GPR132: variants seen among roughly 807,000 people sequenced by gnomAD.
GPR132 encodes G protein-coupled receptor 132, also known as probable G protein-coupled receptor 132.
GPR132 carries 4 observed loss-of-function variants against 1.9 expected under a neutral mutation model. That is an observed-to-expected ratio of 2.13 (90% CI 1.05 to 4.87). The LOEUF (loss-of-function observed/expected upper bound fraction) is 4.87. Ranked by LOEUF, GPR132 falls within the 30% of genes most tolerant of loss-of-function variation. The pLI is 0.01. For missense variants in GPR132, 404 were observed against 512.5 expected, an observed-to-expected ratio of 0.79 and a Z score of 2.04; for synonymous variants, 233 against 234.2, an observed-to-expected ratio of 0.99 and a Z score of 0.05.
rs1404421675 is a variant in GPR132, at chr14:105,059,207, G to T, written c.-860-1927C>A. 6.6e-6 allele frequency among the ~76,000 whole-genome samples: 1 copy of T among 152,230 alleles called. No individual in the cohort carries two copies. Among genetic ancestry groups the T allele is most frequent in the African/African-American group, 2.4e-5 (1 of 41,476 alleles). On this transcript the variant is annotated intron_variant, in intron 1 of 3. Transcript: ENST00000329797. The surrounding 1 kb of genome is among the most constrained non-coding windows in gnomAD (Gnocchi z 4.2). ...GCCCCTTTGGGCCCGAGGCCTGTAT[G>T]TTGAGAGGCTGGCCAGGGGCACTCC...
chr14:105,056,239 G>T lies in GPR132; in HGVS notation c.-746-73C>A. The T allele has an allele frequency of 1.1e-6, 1 of 912,182 alleles. No homozygotes were observed. Among genetic ancestry groups the T allele is most frequent in the Non-Finnish European group, 1.3e-6 (1 of 762,990 alleles). 56.5% of individuals were successfully genotyped at this position (912,182 alleles called of 1,614,324 possible). A position where few individuals can be genotyped will look rare whatever the true frequency, so the allele number is the denominator to read the frequency against. Reference sequence around the variant, plus strand: ...TTGTCACCACTTCGCCCAAGACACAGGCCTGTGGCGGGCGGCGGGGGGCAG... The same window carrying T: ...TTGTCACCACTTCGCCCAAGACACATGCCTGTGGCGGGCGGCGGGGGGCAG... On this transcript the variant is annotated intron_variant, in intron 2 of 3. Transcript: ENST00000329797. This position sits in a 1 kb window ranked among gnomAD's most constrained non-coding sequence, Gnocchi z 6.0.
At chr14:105,052,555 G>A (rs1224756890) in intron 3 of GPR132, among the ~76,000 whole-genome samples, 2 of 151,886 alleles carry the variant, frequency 1.3e-5, no homozygotes, top group Non-Finnish European at 2.9e-5. Flanking sequence ...TCGAATTCCT[G>A]ATCTCAGGTG....
At chr14:105,057,687 A>ATTTT (rs569000530) in intron 1 of GPR132, among the ~76,000 whole-genome samples, 2 of 100,410 alleles carry the variant, frequency 2.0e-5, no homozygotes, top group South Asian at 3.0e-4. Context: ...CCCCCAGCTA[A>ATTTT]TTTTTTTTTT....
Position 105,051,093 on chromosome 14 carries a change from C to T in GPR132, c.1044G>A (p.Gln348=), listed in dbSNP as rs753443748. 2 of 1,614,206 alleles carry T rather than the reference C, an allele frequency of 1.2e-6. No homozygotes were observed. Among genetic ancestry groups the T allele is most frequent in the East Asian group, 2.2e-5 (1 of 44,886 alleles). ...AGTGGTCTGCAAGGGCCACGGGCGA[C>T]TGCAGCTCCTCGGTGTCCCTGCTGT... ...LTHSRDTEEL[Q]SPVALADHYT... The change falls in exon 4 of 4, where the codon CAG becomes CAA. Residue 348 remains glutamine (Q), a synonymous_variant. Transcript: ENST00000329797. The surrounding 1 kb of genome is among the most constrained non-coding windows in gnomAD (Gnocchi z 8.0).
In GPR132 at chr14:105,051,922, A is replaced by G. The variant is rs1220313354; in HGVS notation, c.215T>C (p.Leu72Pro). ...GTAGACGGCCAGCACGTTGCCCTGCAGTACCTGCAGCAGCGCCAGCCACGC... is the reference window on the plus strand; with the variant it reads ...GTAGACGGCCAGCACGTTGCCCTGCGGTACCTGCAGCAGCGCCAGCCACGC... Reference protein sequence around the residue: ...LTAWLALLQVLQGNVLAVYLL... With the variant: ...LTAWLALLQVPQGNVLAVYLL... Residue 72 changes from leucine to proline, a missense_variant, in exon 4 of 4, where the codon CTG (leucine) becomes CCG (proline). By Grantham distance (98) the Leu-to-Pro change is moderately conservative. Transcript: ENST00000329797. The surrounding 1 kb of genome is among the most constrained non-coding windows in gnomAD (Gnocchi z 8.0). 1 of 1,613,630 alleles carries G rather than the reference A, an allele frequency of 6.2e-7. No homozygotes were observed. The highest frequency in any genetic ancestry group is 1.3e-5 in the African/African-American group (1 of 75,066).
rs757972757 is a variant in GPR132 at position 105,051,117 on chromosome 14, G to A, written c.1020C>T (p.His340=). 1.3e-5 allele frequency: 21 copies of A among 1,614,224 alleles called. No homozygotes were observed. Among genetic ancestry groups the A allele is most frequent in the Non-Finnish European group, 1.8e-5 (21 of 1,180,040 alleles). Residue 340 remains histidine, a synonymous_variant, in exon 4 of 4, where the codon CAC becomes CAT. Transcript: ENST00000329797. The surrounding 1 kb of genome is among the most constrained non-coding windows in gnomAD (Gnocchi z 8.0). The part of the protein sequence containing the change: ...SMKTDVTRLT[H]SRDTEELQSP... Reference sequence around the variant, plus strand: ...ACTGCAGCTCCTCGGTGTCCCTGCTGTGGGTGAGCCTGGTGACGTCTGTCT... The same window carrying A: ...ACTGCAGCTCCTCGGTGTCCCTGCTATGGGTGAGCCTGGTGACGTCTGTCT...
At chr14:105,052,172 A>G (rs1342724813) in intron 3 of GPR132, 70 bp from the exon 4 acceptor site, 2 of 1,280,534 alleles carry the variant, frequency 1.6e-6, no homozygotes, top group South Asian at 1.5e-5. Flanking sequence ...TACTGTGGGA[A>G]GAAAGGATAG....
At position 105,059,818 on chromosome 14, in the gene GPR132, C is replaced by G. The variant is rs1419140702; in HGVS notation, c.-860-2538G>C. On this transcript the variant is annotated intron_variant, in intron 1 of 3. Transcript: ENST00000329797. The surrounding 1 kb of genome is among the most constrained non-coding windows in gnomAD (Gnocchi z 4.2). ...CTCCTAAAATGATTGAGACTTGTCT[C>G]GACGTTTTTTAACAACTGGAAAAAC... Among the ~76,000 whole-genome samples, 1 of 152,188 alleles carries G rather than the reference C, an allele frequency of 6.6e-6. No homozygotes were observed. The highest frequency in any genetic ancestry group is 6.5e-5 in the Admixed American group (1 of 15,268).
chr14:105,052,918 C>T (rs1013854436), intron 3 of GPR132, among the ~76,000 whole-genome samples: 1 of 149,846 alleles, frequency 6.7e-6, no homozygotes, highest in Non-Finnish European at 1.5e-5. Flanking sequence ...GAGATCGTGC[C>T]GCTGTACTCC....
At chr14:105,062,182 C>G (rs1033375909) in intron 1 of GPR132, among the ~76,000 whole-genome samples, 1 of 152,266 alleles carries the variant, frequency 6.6e-6, no homozygotes, top group Non-Finnish European at 1.5e-5. Context: ...ACACCCCCGT[C>G]CACCCATCCC....
chr14:105,064,336 T>C (rs952999608), intron 1 of GPR132, among the ~76,000 whole-genome samples: 3 of 151,894 alleles, frequency 2.0e-5, no homozygotes, highest in Non-Finnish European at 2.9e-5. Flanking sequence ...CCAAAGCCCA[T>C]TGTCAACTTT....
At chr14:105,054,421 T>C (rs1242921406) in intron 3 of GPR132, 1 of 927,508 alleles carries the variant, frequency 1.1e-6, no homozygotes, top group African/African-American at 2.0e-5. Flanking sequence ...GTCGCTCTTT[T>C]TTTTTCTTTT....
rs1886897397 is a variant in GPR132 at position 105,059,960 on chromosome 14, A to C, written c.-860-2680T>G. 6.6e-6 allele frequency among the ~76,000 whole-genome samples: 1 copy of C among 152,260 alleles called. No homozygotes were observed. Among genetic ancestry groups the C allele is most frequent in the Non-Finnish European group, 1.5e-5 (1 of 68,040 alleles). The stretch of plus-strand genomic sequence containing the variant: ...GACACTGAGTCAAGAAAGAAACAAG[A>C]AAAGCCATCTCCAAAGTGATGCCCC... On this transcript the variant is annotated intron_variant, in intron 1 of 3. Coordinates refer to ENST00000329797, the MANE Select transcript of GPR132 (RefSeq NM_013345.4). The surrounding 1 kb of genome is among the most constrained non-coding windows in gnomAD (Gnocchi z 4.2).
In GPR132 at chr14:105,056,157, A is replaced by G; in HGVS notation, c.-737T>C. ...CGGGTGAGTGTCGTGTCCCTTGCTC[A>G]CCTTCCTCCCTGGGCAGAGGGAGAG... On this transcript the variant is annotated 5_prime_UTR_variant, in exon 3 of 4. Transcript: ENST00000329797. The surrounding 1 kb of genome is among the most constrained non-coding windows in gnomAD (Gnocchi z 6.0). 1 of 985,400 alleles carries G rather than the reference A, an allele frequency of 1.0e-6. No individual in the cohort carries two copies. The highest frequency in any genetic ancestry group is 4.7e-5 in the South Asian group (1 of 21,262). 61.0% of individuals were successfully genotyped at this position (985,400 alleles called of 1,614,324 possible).
At chr14:105,052,547 GAATTCCTGATC>G (rs1200579504) in intron 3 of GPR132, among the ~76,000 whole-genome samples, 3 of 151,772 alleles carry the variant, frequency 2.0e-5, no homozygotes, top group Non-Finnish European at 4.4e-5. Flanking sequence ...GGCTGGTCTC[GAATTCCTGATC>G]TCAGGTGATC....
rs1886779659 is a variant in GPR132 at position 105,055,925 on chromosome 14, G to A, written c.-505C>T. ...GAGCTGCTGAGAATGACGGTGTCAAGAACATGAGGAGGGCTGTTCACGTCC... is the reference window on the plus strand; with the variant it reads ...GAGCTGCTGAGAATGACGGTGTCAAAAACATGAGGAGGGCTGTTCACGTCC... On this transcript the variant is annotated 5_prime_UTR_variant, in exon 3 of 4. Transcript: ENST00000329797. The surrounding 1 kb of genome is among the most constrained non-coding windows in gnomAD (Gnocchi z 4.7). 1 of 156,558 alleles carries A rather than the reference G, an allele frequency of 6.4e-6. No individual in the cohort carries two copies. Among genetic ancestry groups the A allele is most frequent in the Non-Finnish European group, 1.4e-5 (1 of 71,246 alleles). 9.7% of individuals were successfully genotyped at this position (156,558 alleles called of 1,614,324 possible). A position where few individuals can be genotyped will look rare whatever the true frequency, so the allele number is the denominator to read the frequency against.
In GPR132 at chr14:105,060,799, C is replaced by T. The variant is rs927101705; in HGVS notation, c.-860-3519G>A. ...TGCCGCCCAGTCACGCCAATGCCAG[C>T]CGGCAACCCTGGGTCAGAGGGCTGC... On this transcript the variant is annotated intron_variant, in intron 1 of 3. Transcript: ENST00000329797. This position sits in a 1 kb window ranked among gnomAD's most constrained non-coding sequence, Gnocchi z 6.3. Among the ~76,000 whole-genome samples the T allele has an allele frequency of 7.9e-5, 12 of 152,240 alleles. 1 individual carries two copies. The highest frequency in any genetic ancestry group is 7.9e-4 in the Admixed American group (12 of 15,286).
In GPR132 at chr14:105,051,324, G is replaced by A; in HGVS notation, c.813C>T (p.Tyr271=). 1 of 1,614,036 alleles carries A rather than the reference G, an allele frequency of 6.2e-7. No homozygotes were observed. Among genetic ancestry groups the A allele is most frequent in the Non-Finnish European group, 8.5e-7 (1 of 1,179,868 alleles). ...ACATGGCGTTCCTGTCTCCTCTGTAGTAGGAAAAGGCAGCGGCTTTGACGA... is the reference window on the plus strand; with the variant it reads ...ACATGGCGTTCCTGTCTCCTCTGTAATAGGAAAAGGCAGCGGCTTTGACGA... ...VLLVKAAAFS[Y]YRGDRNAMCG... Residue 271 remains tyrosine, a synonymous_variant, in exon 4 of 4, where the codon TAC becomes TAT. Coordinates refer to ENST00000329797, the MANE Select transcript of GPR132 (RefSeq NM_013345.4). This position sits in a 1 kb window ranked among gnomAD's most constrained non-coding sequence, Gnocchi z 8.0.
rs868634021 is a variant in GPR132, at chr14:105,060,942, T to G, written c.-860-3662A>C. On this transcript the variant is annotated intron_variant, in intron 1 of 3. Transcript: ENST00000329797. This position sits in a 1 kb window ranked among gnomAD's most constrained non-coding sequence, Gnocchi z 6.3. ...GGCCCCTCTGGGATCCAGGCCTGTA[T>G]GTTGAGAGCAGAGACTAGCCAGGGG... Among the ~76,000 whole-genome samples, 1 of 152,146 alleles carries G rather than the reference T, an allele frequency of 6.6e-6. No individual in the cohort carries two copies. The highest frequency in any genetic ancestry group is 2.4e-5 in the African/African-American group (1 of 41,410).
Sources: gnomAD v4.1 joint callset for allele counts (sites outside exome capture counted in the v4.1 genomes callset) on GRCh38, gnomAD v4.1.1 for gene constraint, Gnocchi (gnomAD v3.1) non-coding constraint, MANE v1.5 for transcripts, NCBI Gene and HGNC (gene_info 2026-07-23, HGNC 2026-07-21) for gene names.